Variants in TTC12 observed in about 807,000 individuals in gnomAD.
TTC12 encodes tetratricopeptide repeat protein 12.
In TTC12, 70 loss-of-function variants were observed where a neutral mutation model predicts 90.1. That is an observed-to-expected ratio of 0.78 (90% CI 0.64 to 0.95). The LOEUF (loss-of-function observed/expected upper bound fraction) is 0.95, where lower values mean the gene tolerates loss of function less well. TTC12 is among the 40% of genes least tolerant of loss of function. The pLI is 0.00. For missense variants in TTC12, 819 were observed against 846.1 expected, an observed-to-expected ratio of 0.97 and a Z score of 0.40; for synonymous variants, 296 against 311.5, an observed-to-expected ratio of 0.95 and a Z score of 0.53.
chr11:113,316,717 G>A (rs1423094843), intron 2 of TTC12, among the ~76,000 whole-genome samples: 1 of 152,184 alleles, frequency 6.6e-6, no homozygotes, highest in African/African-American at 2.4e-5. Context: ...AGCTGCAGAG[G>A]CAAAATCAAA....
intron 6 of TTC12, among the ~76,000 whole-genome samples, chr11:113,326,361 C>T (rs1220424265): frequency 6.6e-6 from 1 of 152,140 alleles, no homozygotes; most frequent in African/African-American, 2.4e-5. Context: ...GTAGAGTTCT[C>T]TGCTGGACAG....
intron 4 of TTC12, among the ~76,000 whole-genome samples, chr11:113,324,373 A>T (rs1373527552): frequency 6.6e-6 from 1 of 152,184 alleles, no homozygotes; most frequent in Non-Finnish European, 1.5e-5. Context: ...CATAATTCAA[A>T]TTTGAAGCAC....
chr11:113,339,647 C>T, intron 10 of TTC12, 173 bp downstream of exon 10: 1 of 581,514 alleles, frequency 1.7e-6, no homozygotes, highest in Non-Finnish European at 3.0e-6. Context: ...CCGACTTCTG[C>T]TCCATCCTCT....
chr11:113,344,755 G>C (rs564864848), intron 13 of TTC12, among the ~76,000 whole-genome samples: 1 of 152,076 alleles, frequency 6.6e-6, no homozygotes, highest in South Asian at 2.1e-4. Flanking sequence ...CTTTGGCCTC[G>C]GTCCTATCTC....
At chr11:113,357,176 G>A (rs1484331243) in intron 16 of TTC12, among the ~76,000 whole-genome samples, 1 of 152,126 alleles carries the variant, frequency 6.6e-6, no homozygotes, top group Non-Finnish European at 1.5e-5. Context: ...CAGAAAGCCT[G>A]TGTTCAAGCT....
chr11:113,372,573 G>A (rs1950414247), intron 21 of TTC12, among the ~76,000 whole-genome samples: 1 of 152,160 alleles, frequency 6.6e-6, no homozygotes, highest in Admixed American at 6.5e-5. Flanking sequence ...TTTAACTATT[G>A]TAGGCTATAG....
In TTC12 at chr11:113,323,465, T is replaced by C; in HGVS notation, c.222+14T>C. Reference sequence around the variant, plus strand: ...ACTGCTATGAAGGTTTCTTTTTCTATTGAGAAGTTATATAAGTACTTACAG... The same window carrying C: ...ACTGCTATGAAGGTTTCTTTTTCTACTGAGAAGTTATATAAGTACTTACAG... On this transcript the variant is annotated intron_variant, in intron 3 of 21. Coordinates refer to ENST00000529221, the MANE Select transcript of TTC12 (RefSeq NM_017868.4). 1 of 1,553,506 alleles carries C rather than the reference T, an allele frequency of 6.4e-7. No individual in the cohort carries two copies. The highest frequency in any genetic ancestry group is 8.7e-7 in the Non-Finnish European group (1 of 1,154,958).
At chr11:113,346,751 GAAA>G (rs58619294) in intron 13 of TTC12, among the ~76,000 whole-genome samples, 1,527 of 57,516 alleles carry the variant, frequency 0.027, 26 homozygotes, top group African/African-American at 0.08. Flanking sequence ...ATCTGCTACA[GAAA>G]AAAAAAAAAA....
chr11:113,358,961 CTTCCCTT>C (rs1449682026), intron 16 of TTC12, among the ~76,000 whole-genome samples: 5 of 152,022 alleles, frequency 3.3e-5, no homozygotes, highest in African/African-American at 9.7e-5. Flanking sequence ...CTCTCAGTGC[CTTCCCTT>C]TGAAGATCTA....
At chr11:113,352,689 G>A (rs1198100933) in intron 16 of TTC12, among the ~76,000 whole-genome samples, 1 of 152,044 alleles carries the variant, frequency 6.6e-6, no homozygotes, top group Non-Finnish European at 1.5e-5. Flanking sequence ...CACTTACAAG[G>A]AAGAACATGT....
intron 18 of TTC12, 89 bp from the exon 19 acceptor site, chr11:113,362,312 T>A: frequency 1.1e-6 from 1 of 898,836 alleles, no homozygotes; most frequent in Non-Finnish European, 1.8e-6. Flanking sequence ...TAATGATTGC[T>A]TTTGCCTCAC....
intron 2 of TTC12, among the ~76,000 whole-genome samples, chr11:113,322,034 A>G (rs1947366183): frequency 1.3e-5 from 2 of 152,240 alleles, no homozygotes; most frequent in South Asian, 4.1e-4. Flanking sequence ...AATCTAAATG[A>G]TACAAATACT....
At chr11:113,320,682 C>T (rs939186036) in intron 2 of TTC12, among the ~76,000 whole-genome samples, 4 of 152,320 alleles carry the variant, frequency 2.6e-5, no homozygotes, top group South Asian at 2.1e-4. Context: ...GGCAGATGTC[C>T]GTCAAGCTGG....
At chr11:113,352,887 T>C (rs1448308412) in intron 16 of TTC12, among the ~76,000 whole-genome samples, 1 of 152,230 alleles carries the variant, frequency 6.6e-6, no homozygotes, top group Non-Finnish European at 1.5e-5. Context: ...ATGTCTTTGC[T>C]ATTGTGAATA....
chr11:113,329,788 G>T, intron 6 of TTC12, 132 bp from the exon 7 acceptor site: 1 of 785,384 alleles, frequency 1.3e-6, no homozygotes, highest in Non-Finnish European at 2.3e-6. Flanking sequence ...CTGTTTCCTG[G>T]CAGGACCATG....
chr11:113,372,057 G>C (rs1950400620), intron 21 of TTC12, among the ~76,000 whole-genome samples: 1 of 152,144 alleles, frequency 6.6e-6, no homozygotes. Context: ...GGGTTGGAAG[G>C]GTTTCTATGT....
chr11:113,348,603 A>C (rs74513194), intron 13 of TTC12, among the ~76,000 whole-genome samples: 21 of 152,290 alleles, frequency 1.4e-4, no homozygotes, highest in Admixed American at 1.0e-3. Flanking sequence ...CTGTTCTGCT[A>C]TTTTCCTACT....
In TTC12 at chr11:113,366,345, C is replaced by T; in HGVS notation, c.*45C>T. 6.2e-7 allele frequency: 1 copy of T among 1,610,378 alleles called. No homozygotes were observed. The highest frequency in any genetic ancestry group is 8.5e-7 in the Non-Finnish European group (1 of 1,179,788). ...CATTTGGGGAACACACAGATGCACACCGTGTGTTGTTCCTATGCTAATAAA... is the reference window on the plus strand; with the variant it reads ...CATTTGGGGAACACACAGATGCACATCGTGTGTTGTTCCTATGCTAATAAA... On this transcript the variant is annotated 3_prime_UTR_variant, in exon 22 of 22. Coordinates refer to ENST00000529221, the MANE Select transcript of TTC12 (RefSeq NM_017868.4).
chr11:113,314,829 T>G (rs1173986683), intron 1 of TTC12: 1 of 126,338 alleles, frequency 7.9e-6, no homozygotes, highest in Non-Finnish European at 1.7e-5. Context: ...CGGCCTGGCC[T>G]CTTTGCGCCC....
Sources: allele counts gnomAD v4.1 joint callset (sites outside exome capture counted in the v4.1 genomes callset), GRCh38; gene constraint gnomAD v4.1.1; transcripts MANE v1.5; gene names NCBI Gene and HGNC (gene_info 2026-07-23, HGNC 2026-07-21).